MMP16: variants seen among roughly 807,000 people sequenced by gnomAD.
MMP16 encodes matrix metallopeptidase 16, also known as matrix metalloproteinase-16.
In MMP16, 12 loss-of-function variants were observed where a neutral mutation model predicts 67.8. The observed-to-expected ratio is 0.18, with a 90% CI of 0.11 to 0.29. MMP16 has a LOEUF of 0.29. MMP16 is among the 10% of genes least tolerant of loss of function. The pLI is 1.00. For synonymous variants in MMP16, 249 were observed against 255.9 expected, an observed-to-expected ratio of 0.97 and a Z score of 0.26; for missense variants, 475 against 765.7, an observed-to-expected ratio of 0.62 and a Z score of 4.48.
intron 1 of MMP16, among the ~76,000 whole-genome samples, chr8:88,301,046 T>C (rs573282337): frequency 1.1e-4 from 16 of 152,314 alleles, no homozygotes; most frequent in Non-Finnish European, 2.1e-4. Context: ...AAATCTTTAT[T>C]TTTGCCTTAT....
chr8:88,172,130 T>C (rs1808814033), intron 3 of MMP16, among the ~76,000 whole-genome samples: 2 of 152,202 alleles, frequency 1.3e-5, no homozygotes, highest in Admixed American at 1.3e-4. Context: ...ATGATGCATT[T>C]TTAATTGTGT....
At chr8:88,267,026 T>C (rs1262203948) in intron 1 of MMP16, among the ~76,000 whole-genome samples, 1 of 152,168 alleles carries the variant, frequency 6.6e-6, no homozygotes, top group East Asian at 1.9e-4. Flanking sequence ...GTGTGATGAA[T>C]GCTAATTTCT....
chr8:88,071,533 A>G (rs915432627), intron 7 of MMP16, among the ~76,000 whole-genome samples: 1 of 152,162 alleles, frequency 6.6e-6, no homozygotes, highest in African/African-American at 2.4e-5. Flanking sequence ...GAAGAAAACA[A>G]AGATAAATAA....
At position 88,104,627 on chromosome 8, in the gene MMP16, T is replaced by TG. The variant is rs68002616; in HGVS notation, c.1083+11879_1083+11880insC. 5.2e-5 allele frequency among the ~76,000 whole-genome samples: 4 copies of TG among 76,900 alleles called. No homozygotes were observed. In the East Asian group the frequency reaches 1.6e-3, roughly 30 times the overall value. The allele number at this position is 76,900 out of a possible 152,430, so 50.4% of individuals were successfully genotyped here. ...GTACGTAACACTTGATAATAATAAA[T>TG]ATGTTAATAATTTTTATATACCTAC... On this transcript the variant is annotated intron_variant, in intron 6 of 9. Transcript: ENST00000286614.
chr8:88,106,017 C>T (rs1809232488), intron 6 of MMP16, among the ~76,000 whole-genome samples: 3 of 146,294 alleles, frequency 2.1e-5, no homozygotes, highest in African/African-American at 5.0e-5. Flanking sequence ...CACACACATG[C>T]ATATATATAC....
At chr8:88,209,629 G>T (rs1163924384) in intron 1 of MMP16, among the ~76,000 whole-genome samples, 1 of 7,866 alleles carries the variant, frequency 1.3e-4, no homozygotes, top group Non-Finnish European at 3.1e-4. Flanking sequence ...TTGACTGTAT[G>T]TATTCTACTC....
At chr8:88,112,666 G>GGTGTGT (rs6150692) in intron 6 of MMP16, among the ~76,000 whole-genome samples, 13 of 146,854 alleles carry the variant, frequency 8.9e-5, no homozygotes, top group Non-Finnish European at 1.2e-4. Flanking sequence ...AGGACAGAAG[G>GGTGTGT]GTGTGTGTGT....
intron 1 of MMP16, among the ~76,000 whole-genome samples, chr8:88,295,640 C>T (rs1047734532): frequency 5.6e-4 from 83 of 149,474 alleles, no homozygotes; most frequent in African/African-American, 2.0e-3. Flanking sequence ...GAAAGATTTT[C>T]AAGTGTCTTT....
At chr8:88,199,742 T>C (rs1809312096) in intron 1 of MMP16, among the ~76,000 whole-genome samples, 1 of 151,992 alleles carries the variant, frequency 6.6e-6, no homozygotes. Flanking sequence ...TAAAGATATA[T>C]ACATATATAT....
intron 1 of MMP16, among the ~76,000 whole-genome samples, chr8:88,239,089 T>G (rs965073457): frequency 6.6e-6 from 1 of 152,120 alleles, no homozygotes; most frequent in African/African-American, 2.4e-5. Context: ...TTCTACTCTT[T>G]CCTTGCTGCT....
chr8:88,258,012 G>A (rs28904588), intron 1 of MMP16, among the ~76,000 whole-genome samples: 5,427 of 151,674 alleles, frequency 0.036, 323 homozygotes, highest in African/African-American at 0.12. Flanking sequence ...ACTGGCTGAA[G>A]CTAGAAAAGT....
At chr8:88,300,206 C>G (rs1300489160) in intron 1 of MMP16, among the ~76,000 whole-genome samples, 2 of 152,144 alleles carry the variant, frequency 1.3e-5, no homozygotes, top group Non-Finnish European at 2.9e-5. Context: ...ATCCTATTGT[C>G]TACTCTTCTA....
At chr8:88,209,264 T>C (rs1256994094) in intron 1 of MMP16, among the ~76,000 whole-genome samples, 2 of 152,078 alleles carry the variant, frequency 1.3e-5, no homozygotes, top group African/African-American at 4.8e-5. Flanking sequence ...GACCAACCCC[T>C]TCTCTTCCTC....
intron 2 of MMP16, among the ~76,000 whole-genome samples, chr8:88,188,333 T>C (rs958061495): frequency 6.6e-6 from 1 of 152,162 alleles, no homozygotes; most frequent in African/African-American, 2.4e-5. Flanking sequence ...CTTATCTCAT[T>C]GAAAGTACTG....
chr8:88,221,637 CTAAAA>C (rs1323141937), intron 1 of MMP16, among the ~76,000 whole-genome samples: 3 of 151,872 alleles, frequency 2.0e-5, no homozygotes, highest in South Asian at 4.2e-4. Context: ...AATTCTCAAA[CTAAAA>C]TAAAATATGA....
Position 88,074,778 on chromosome 8 carries a change from C to T in MMP16, c.1084-35G>A, listed in dbSNP as rs28991884. 1,974 of 1,598,732 alleles carry T rather than the reference C, an allele frequency of 1.2e-3. 17 individuals are homozygous for T. The African/African-American group carries it at 0.024, about 19-fold the overall frequency. ...AAGCAAAGGCATCTCTCAACAAACA[C>T]GTAGGCCTCCCTGGCATTTCACGGC... is the stretch of plus-strand genomic sequence containing the variant. On this transcript the variant is annotated intron_variant, in intron 6 of 9. Coordinates refer to ENST00000286614, the MANE Select transcript of MMP16 (RefSeq NM_005941.5).
intron 7 of MMP16, chr8:88,069,296 C>T: frequency 8.7e-6 from 3 of 343,196 alleles, no homozygotes; most frequent in Non-Finnish European, 1.8e-5. Context: ...AGATTGATCC[C>T]TCGGTATTTG....
chr8:88,227,503 T>A (rs1809789553), intron 1 of MMP16, among the ~76,000 whole-genome samples: 1 of 152,060 alleles, frequency 6.6e-6, no homozygotes, highest in African/African-American at 2.4e-5. Flanking sequence ...CTAACAAAGA[T>A]CTATCTGTCT....
At chr8:88,289,502 G>C (rs1282183427) in intron 1 of MMP16, among the ~76,000 whole-genome samples, 1 of 151,880 alleles carries the variant, frequency 6.6e-6, no homozygotes, top group East Asian at 1.9e-4. Flanking sequence ...GCTCTAGCAA[G>C]TAAAATATTT....
Sources: gnomAD v4.1 joint callset for allele counts (sites outside exome capture counted in the v4.1 genomes callset) on GRCh38, gnomAD v4.1.1 for gene constraint, MANE v1.5 for transcripts, NCBI Gene and HGNC (gene_info 2026-07-23, HGNC 2026-07-21) for gene names.